SCUBE2: variants seen among roughly 807,000 people sequenced by gnomAD.
SCUBE2 encodes the protein signal peptide, CUB domain and EGF like domain containing 2, also known as signal peptide, CUB and EGF-like domain-containing protein 2.
Under a neutral mutation model 125.9 loss-of-function variants are expected in SCUBE2, and 114 were observed. The observed-to-expected ratio is 0.91, with a 90% confidence interval of 0.78 to 1.06. The LOEUF is 1.06. SCUBE2 is among the 50% of genes least tolerant of loss of function. The pLI is 0.00. For missense variants in SCUBE2, 1,255 were observed against 1,301.8 expected, an observed-to-expected ratio of 0.96 and a Z score of 0.55; for synonymous variants, 459 against 492.9, an observed-to-expected ratio of 0.93 and a Z score of 0.91.
intron 4 of SCUBE2, 44 bp from the exon 5 acceptor site, chr11:9,069,539 A>C (rs1860580876): frequency 1.2e-6 from 2 of 1,611,648 alleles, no homozygotes; most frequent in Admixed American, 1.7e-5. Flanking sequence ...CTGTGGTCAG[A>C]ATCCTGAGCC....
chr11:9,053,283 G>A, intron 11 of SCUBE2, 68 bp from the exon 12 acceptor site: 1 of 1,322,946 alleles, frequency 7.6e-7, no homozygotes. Context: ...GGATGGTTGA[G>A]TCCCATGCAC....
At chr11:9,074,393 T>C in intron 4 of SCUBE2, 88 bp downstream of exon 4, 1 of 1,505,162 alleles carries the variant, frequency 6.6e-7, no homozygotes, top group Admixed American at 1.9e-5. Flanking sequence ...ACCCTGTGCT[T>C]CCCCTCTAGA....
At chr11:9,050,087 C>T (rs1270853866) in intron 14 of SCUBE2, 1 of 152,464 alleles carries the variant, frequency 6.6e-6, no homozygotes, top group African/African-American at 2.4e-5. Flanking sequence ...ATGTTAGATT[C>T]TGCTCTTCTC....
At chr11:9,053,286 C>A in intron 11 of SCUBE2, 71 bp from the exon 12 acceptor site, 1 of 1,288,236 alleles carries the variant, frequency 7.8e-7, no homozygotes, top group Non-Finnish European at 1.1e-6. Context: ...TGGTTGAGTC[C>A]CATGCACCAA....
Position 9,091,531 on chromosome 11 carries a change from A to C in SCUBE2, c.-3T>G. On this transcript the variant is annotated 5_prime_UTR_variant, in exon 1 of 23. Coordinates refer to ENST00000649792, the MANE Select transcript of SCUBE2 (RefSeq NM_001367977.2). The surrounding 1 kb of genome is among the most constrained non-coding windows in gnomAD (Gnocchi z 8.5). ...CGGTTGCGGCCCGCGACCCCCATGG[A>C]TGGCTCAGCGGTTGCGGGCAGAGGC... is the stretch of plus-strand genomic sequence containing the variant. 5.2e-6 allele frequency: 4 copies of C among 763,844 alleles called. No homozygotes were observed. The South Asian group carries it at 2.2e-4, about 42-fold the overall frequency. 47.3% of individuals were successfully genotyped at this position (763,844 alleles called of 1,614,324 possible).
intron 3 of SCUBE2, among the ~76,000 whole-genome samples, chr11:9,076,204 G>A (rs563866391): frequency 4.6e-5 from 7 of 152,180 alleles, no homozygotes; most frequent in Non-Finnish European, 8.8e-5. Context: ...GTAGAATCCC[G>A]GACCCTGCCA....
intron 16 of SCUBE2, among the ~76,000 whole-genome samples, chr11:9,045,397 T>G (rs1857601671): frequency 6.6e-6 from 1 of 152,058 alleles, no homozygotes; most frequent in South Asian, 2.1e-4. Flanking sequence ...AAGATAAACA[T>G]AATGGTTCCA....
intron 2 of SCUBE2, among the ~76,000 whole-genome samples, chr11:9,081,694 A>T (rs1359849180): frequency 6.6e-6 from 1 of 151,946 alleles, no homozygotes; most frequent in African/African-American, 2.4e-5. Flanking sequence ...AACCAAAAAT[A>T]TTATTTTGTA....
chr11:9,063,067 C>T (rs993455792), intron 7 of SCUBE2, among the ~76,000 whole-genome samples: 1 of 151,424 alleles, frequency 6.6e-6, no homozygotes, highest in East Asian at 1.9e-4. Context: ...TAGCAAAATC[C>T]CTTTTCTACT....
intron 22 of SCUBE2, 75 bp downstream of exon 22, chr11:9,021,801 G>A: frequency 9.0e-7 from 1 of 1,106,718 alleles, no homozygotes; most frequent in Non-Finnish European, 1.4e-6. Context: ...CAAGGAGCAG[G>A]AGGAGAAGCC....
chr11:9,075,931 C>T (rs1296285905), intron 3 of SCUBE2, among the ~76,000 whole-genome samples: 1 of 152,140 alleles, frequency 6.6e-6, no homozygotes, highest in Non-Finnish European at 1.5e-5. Flanking sequence ...ACATGGAAGG[C>T]CAGTGCTGGG....
chr11:9,035,433 G>A (rs557717241), intron 16 of SCUBE2, among the ~76,000 whole-genome samples: 13 of 152,246 alleles, frequency 8.5e-5, no homozygotes, highest in African/African-American at 1.2e-4. Context: ...TTTAACAAAC[G>A]GGCAGATTTA....
chr11:9,025,559 A>T, intron 21 of SCUBE2, 143 bp downstream of exon 21: 1 of 945,778 alleles, frequency 1.1e-6, no homozygotes, highest in Non-Finnish European at 1.6e-6. Flanking sequence ...AAAATTTGGC[A>T]CTTGTGAGTC....
intron 5 of SCUBE2, 47 bp from the exon 6 acceptor site, chr11:9,066,860 A>C: frequency 2.1e-6 from 3 of 1,448,904 alleles, no homozygotes; most frequent in Non-Finnish European, 2.9e-6. Flanking sequence ...ATTTCCACAA[A>C]CACAGGGCTG....
At chr11:9,053,300 C>T (rs1265906995) in intron 11 of SCUBE2, 85 bp from the exon 12 acceptor site, 1 of 1,133,328 alleles carries the variant, frequency 8.8e-7, no homozygotes, top group East Asian at 2.4e-5. Flanking sequence ...GCACCAAAGG[C>T]CCCAAGAAAA....
chr11:9,052,983 G>A (rs1858576201), intron 12 of SCUBE2, 116 bp downstream of exon 12: 1 of 1,061,476 alleles, frequency 9.4e-7, no homozygotes, highest in Non-Finnish European at 1.4e-6. Flanking sequence ...TCAAAGCACG[G>A]TGGTCGGGGC....
Position 9,091,335 on chromosome 11 carries a change from C to A in SCUBE2, c.133+61G>T. On this transcript the variant is annotated intron_variant, in intron 1 of 22. Coordinates refer to ENST00000649792, the MANE Select transcript of SCUBE2 (RefSeq NM_001367977.2). The surrounding 1 kb of genome is among the most constrained non-coding windows in gnomAD (Gnocchi z 8.5). The stretch of plus-strand genomic sequence containing the variant: ...CCCGGCTCTGGACTCCGCCGGGGAC[C>A]TAAACACTCTTCCTGGCCCTGCCTG... 4 of 1,211,734 alleles carry A rather than the reference C, an allele frequency of 3.3e-6. No individual in the cohort carries two copies. The highest frequency in any genetic ancestry group is 3.1e-6 in the Non-Finnish European group (3 of 962,330). 75.1% of individuals were successfully genotyped at this position (1,211,734 alleles called of 1,614,324 possible). A position where few individuals can be genotyped will look rare whatever the true frequency, so the allele number is the denominator to read the frequency against.
chr11:9,070,530 T>C (rs1186135950), intron 4 of SCUBE2, among the ~76,000 whole-genome samples: 1 of 152,234 alleles, frequency 6.6e-6, no homozygotes, highest in African/African-American at 2.4e-5. Context: ...AATGTAACTC[T>C]AAAACATCTC....
At chr11:9,053,616 C>G (rs1858668383) in intron 11 of SCUBE2, 21 bp downstream of exon 11, 1 of 1,612,446 alleles carries the variant, frequency 6.2e-7, no homozygotes, top group African/African-American at 1.3e-5. Flanking sequence ...CTGTCTGAGT[C>G]TGTGCCTCGG....
Sources: allele counts gnomAD v4.1 joint callset (sites outside exome capture counted in the v4.1 genomes callset), GRCh38; gene constraint gnomAD v4.1.1; non-coding constraint Gnocchi (gnomAD v3.1); transcripts MANE v1.5; gene names NCBI Gene and HGNC (gene_info 2026-07-23, HGNC 2026-07-21).